Variants in C6 observed in about 807,000 individuals in gnomAD.
The protein encoded by C6 is complement component C6.
A neutral mutation model predicts 112.9 loss-of-function variants in C6; 101 were observed. That is an observed-to-expected ratio of 0.89 (90% CI 0.76 to 1.06). The LOEUF is 1.06. Among genes scored for constraint, C6 ranks in the 50% least tolerant of loss-of-function variants. The pLI is 0.00. For synonymous variants in C6, 431 were observed against 384.1 expected, an observed-to-expected ratio of 1.12 and a Z score of -1.43; for missense variants, 1,202 against 1,104.6, an observed-to-expected ratio of 1.09 and a Z score of -1.25.
In C6 at chr5:41,161,698, A is replaced by G. The variant is rs146149249; in HGVS notation, c.1453T>C (p.Phe485Leu). 8 of 1,613,172 alleles carry G rather than the reference A, an allele frequency of 5.0e-6. No homozygotes were observed. The African/African-American group carries it at 9.3e-5, about 19-fold the overall frequency. The change falls in exon 10 of 18, where the codon TTT becomes CTT. Residue 485 changes from phenylalanine (F) to leucine (L), a missense_variant. Physicochemically the swap from Phe to Leu is conservative, Grantham distance 22. Transcript: ENST00000337836. Reference sequence around the variant, plus strand: ...GGAATAATTTTTACTCTTACCTCAAAGTCAATCACAGCAGGATTTTCCTTC... The same window carrying G: ...GGAATAATTTTTACTCTTACCTCAAGGTCAATCACAGCAGGATTTTCCTTC... ...SVKENPAVID[F>L]ELAPIVDLVR...
Position 41,257,315 on chromosome 5 carries a change from C to G in C6, c.-21+3879G>C, listed in dbSNP as rs368417154. 1.2e-3 allele frequency among the ~76,000 whole-genome samples: 185 copies of G among 152,186 alleles called. 1 individual carries two copies. The highest frequency in any genetic ancestry group is 4.3e-3 in the African/African-American group (180 of 41,526). On this transcript the variant is annotated intron_variant, in intron 1 of 17. Coordinates refer to the C6 transcript ENST00000263413. ...TGCATTAATTCACTTAGGATAATGA[C>G]CTCCAGCTACATTCATGTTGCTGCC...
chr5:41,209,743 C>A (rs1394913313), intron 1 of C6, among the ~76,000 whole-genome samples: 1 of 152,198 alleles, frequency 6.6e-6, no homozygotes, highest in Non-Finnish European at 1.5e-5. Context: ...AAGAACATTC[C>A]ATGCTCATGT....
chr5:41,189,336 G>A (rs567065259), intron 5 of C6, among the ~76,000 whole-genome samples: 68 of 152,118 alleles, frequency 4.5e-4, no homozygotes, highest in African/African-American at 1.5e-3. Flanking sequence ...AATGTTCATA[G>A]CAGCATTACT....
chr5:41,208,157 G>A lies in C6; in HGVS notation c.-20-4907C>T, dbSNP rs7729831. Among the ~76,000 whole-genome samples the A allele has an allele frequency of 8.1e-3, 1,236 of 152,268 alleles. 18 individuals are homozygous for A. The highest frequency in any genetic ancestry group is 0.028 in the African/African-American group (1,159 of 41,546). ...ACGAAATGAAGCCAGAAATAAAGATGTTCTTTGAAACCAATGAGAACAAAG... is the reference window on the plus strand; with the variant it reads ...ACGAAATGAAGCCAGAAATAAAGATATTCTTTGAAACCAATGAGAACAAAG... On this transcript the variant is annotated intron_variant, in intron 1 of 17. Transcript: ENST00000337836.
chr5:41,193,136 G>A (rs1750347316), intron 5 of C6, among the ~76,000 whole-genome samples: 1 of 152,112 alleles, frequency 6.6e-6, no homozygotes, highest in Non-Finnish European at 1.5e-5. Context: ...TAACAGCGAG[G>A]ACTAAAAAAC....
At chr5:41,212,305 C>T (rs1170890180) in intron 1 of C6, among the ~76,000 whole-genome samples, 4 of 151,958 alleles carry the variant, frequency 2.6e-5, no homozygotes, top group Non-Finnish European at 4.4e-5. Flanking sequence ...GGATTACAGG[C>T]CCCTGCCACC....
At position 41,153,963 on chromosome 5, in the gene C6, G is replaced by A; in HGVS notation, c.2137C>T (p.Leu713=). The A allele has an allele frequency of 1.9e-6, 3 of 1,613,772 alleles. No homozygotes were observed. Among genetic ancestry groups the A allele is most frequent in the Non-Finnish European group, 2.5e-6 (3 of 1,179,794 alleles). ...ECIKPVVQEV[L]TITPFQRLYR... Reference sequence around the variant, plus strand: ...AATCTCTGAAATGGTGTAATTGTCAGGACTTCCTGCACAACTGGCTTGATG... The same window carrying A: ...AATCTCTGAAATGGTGTAATTGTCAAGACTTCCTGCACAACTGGCTTGATG... Residue 713 remains leucine, a synonymous_variant, in exon 15 of 18, where the codon CTG becomes TTG. Transcript: ENST00000337836.
intron 1 of C6, among the ~76,000 whole-genome samples, chr5:41,247,710 T>A (rs1580254812): frequency 7.5e-6 from 1 of 134,016 alleles, no homozygotes. Context: ...AGAGTGAGAC[T>A]CCATCTCAGA....
At chr5:41,161,643 T>C (rs1460825310) in intron 10 of C6, 50 bp downstream of exon 10, 8 of 1,437,672 alleles carry the variant, frequency 5.6e-6, no homozygotes, top group African/African-American at 1.4e-5. Flanking sequence ...CAATTTGGGC[T>C]GCTAGAGAAC....
chr5:41,256,852 C>T (rs563156096), intron 1 of C6, among the ~76,000 whole-genome samples: 1 of 152,276 alleles, frequency 6.6e-6, no homozygotes, highest in South Asian at 2.1e-4. Context: ...GAACAATTGC[C>T]TCATGGTGCA....
intron 1 of C6, among the ~76,000 whole-genome samples, chr5:41,205,179 C>T (rs925632218): frequency 6.6e-6 from 1 of 152,118 alleles, no homozygotes; most frequent in Non-Finnish European, 1.5e-5. Flanking sequence ...TTTACCCAAG[C>T]TTTTTACTCC....
chr5:41,187,553 A>G (rs1749872247), intron 5 of C6, among the ~76,000 whole-genome samples: 1 of 152,174 alleles, frequency 6.6e-6, no homozygotes, highest in Non-Finnish European at 1.5e-5. Flanking sequence ...AAGGGGCACA[A>G]TATTTTTCTA....
intron 9 of C6, among the ~76,000 whole-genome samples, chr5:41,165,947 T>A (rs939075473): frequency 2.6e-5 from 4 of 152,090 alleles, no homozygotes; most frequent in African/African-American, 9.7e-5. Flanking sequence ...ACTTTCCTAC[T>A]TGGTAATTTT....
intron 2 of C6, 68 bp from the exon 3 acceptor site, chr5:41,201,782 G>A (rs1751054459): frequency 3.0e-6 from 4 of 1,343,908 alleles, no homozygotes; most frequent in African/African-American, 1.4e-5. Context: ...CATAATCAAA[G>A]TATCATTGAG....
intron 1 of C6, among the ~76,000 whole-genome samples, chr5:41,259,347 G>A (rs777567422): frequency 4.5e-4 from 68 of 152,100 alleles, no homozygotes; most frequent in Non-Finnish European, 9.4e-4. Context: ...ATTCCTTGGT[G>A]AATGTATATG....
intron 9 of C6, among the ~76,000 whole-genome samples, chr5:41,163,804 A>C (rs181777437): frequency 4.1e-4 from 62 of 152,350 alleles, no homozygotes; most frequent in Non-Finnish European, 7.5e-4. Context: ...AAAAATTTTA[A>C]AAATGATATA....
At chr5:41,216,835 G>T (rs1409476014), upstream of C6, among the ~76,000 whole-genome samples, 1 of 152,016 alleles carries the variant, frequency 6.6e-6, no homozygotes, top group Non-Finnish European at 1.5e-5. Context: ...ATACTCTAGA[G>T]TTCACCTCTC....
chr5:41,206,759 C>T (rs76940122), intron 1 of C6, among the ~76,000 whole-genome samples: 1 of 152,078 alleles, frequency 6.6e-6, no homozygotes, highest in Non-Finnish European at 1.5e-5. Flanking sequence ...ATTGGTGTAC[C>T]TGAAAGTGAC....
intron 7 of C6, among the ~76,000 whole-genome samples, chr5:41,178,563 C>A (rs1749059478): frequency 7.1e-6 from 1 of 141,576 alleles, no homozygotes; most frequent in Admixed American, 7.6e-5. Flanking sequence ...GCAACCTTTG[C>A]CTCCTGGGTT....
Sources: allele counts gnomAD v4.1 joint callset (sites outside exome capture counted in the v4.1 genomes callset), GRCh38; gene constraint gnomAD v4.1.1; transcripts MANE v1.5; gene names NCBI Gene and HGNC (gene_info 2026-07-23, HGNC 2026-07-21).